RALYL: variants seen among roughly 807,000 people sequenced by gnomAD.
The protein encoded by RALYL is RALY RNA binding protein like.
RALYL carries 29 observed loss-of-function variants against 35.1 expected under a neutral mutation model. The observed-to-expected ratio is 0.83, with a 90% CI of 0.61 to 1.13. The LOEUF is 1.13. Ranked by LOEUF, RALYL falls within the 50% of genes most tolerant of loss-of-function variation. The probability of loss-of-function intolerance (pLI) is 0.00; values close to 1 mark genes in which losing one functional copy is unlikely to be tolerated. For synonymous variants in RALYL, 120 were observed against 127.6 expected (o/e 0.94, Z 0.40); for missense variants, 359 against 360.4 (o/e 1.00, Z 0.03).
intron 1 of RALYL, among the ~76,000 whole-genome samples, chr8:84,382,806 T>G (rs777385376): frequency 7.9e-4 from 120 of 151,812 alleles, no homozygotes; most frequent in Non-Finnish European, 1.1e-3. Flanking sequence ...TCTTCATGCT[T>G]CATGAAGCAA....
intron 2 of RALYL, among the ~76,000 whole-genome samples, chr8:84,707,042 A>G (rs1022969410): frequency 1.3e-5 from 2 of 152,154 alleles, no homozygotes; most frequent in Middle Eastern, 3.2e-3. Context: ...ATCAGTCACA[A>G]TTATCCTATC....
Position 84,367,318 on chromosome 8 carries a change from A to ATTTTTT in RALYL, c.-23-161935_-23-161930dup, listed in dbSNP as rs56387511. On this transcript the variant is annotated intron_variant, in intron 1 of 8. Coordinates refer to ENST00000521268, the MANE Select transcript of RALYL (RefSeq NM_173848.7). Reference sequence around the variant, plus strand: ...GCCATCCTGCCCAACTAATTTTTGTATTTTTTTTTTTTTTTTTTTTTTTTT... The same window carrying ATTTTTT: ...GCCATCCTGCCCAACTAATTTTTGTATTTTTTTTTTTTTTTTTTTTTTTTTTTTTTT... Among the ~76,000 whole-genome samples, 23 of 27,406 alleles carry ATTTTTT rather than the reference A, an allele frequency of 8.4e-4. 7 individuals are homozygous for ATTTTTT. Among genetic ancestry groups the ATTTTTT allele is most frequent in the Non-Finnish European group, 1.3e-3 (13 of 10,134 alleles). The allele number at this position is 27,406 out of a possible 152,430, so 18.0% of individuals were successfully genotyped here.
chr8:84,367,318 A>ATTTGTTTTTGTTTTTTTTTTTTTTG (rs756622990), intron 1 of RALYL, among the ~76,000 whole-genome samples: 1 of 27,400 alleles, frequency 3.6e-5, no homozygotes, highest in Non-Finnish European at 9.9e-5. Context: ...TAATTTTTGT[A>ATTTGTTTTTGTTTTTTTTTTTTTTG]TTTTTTTTTT....
At chr8:84,426,799 A>G (rs1413328718) in intron 1 of RALYL, among the ~76,000 whole-genome samples, 10 of 152,188 alleles carry the variant, frequency 6.6e-5, no homozygotes, top group African/African-American at 1.9e-4. Context: ...CTATAAGTCA[A>G]AAGATAAGGA....
Position 84,608,719 on chromosome 8 carries a change from G to T in RALYL, c.256+79142G>T, listed in dbSNP as rs560536891. On this transcript the variant is annotated intron_variant, in intron 2 of 8. Transcript: ENST00000521268. ...AATGACACAGAGTTTCTGAATTCTA[G>T]CCACTGTAACATCTCATTGCCATGC... Among the ~76,000 whole-genome samples, 34 of 152,198 alleles carry T rather than the reference G, an allele frequency of 2.2e-4. 1 individual carries two copies. In the South Asian group the frequency reaches 7.0e-3, roughly 32 times the overall value.
chr8:84,824,804 A>C (rs1329529774), intron 4 of RALYL, among the ~76,000 whole-genome samples: 1 of 152,188 alleles, frequency 6.6e-6, no homozygotes. Flanking sequence ...ATAGCTGGCT[A>C]ACCATATGCA....
intron 2 of RALYL, among the ~76,000 whole-genome samples, chr8:84,699,532 A>G (rs1343575663): frequency 6.6e-6 from 1 of 152,108 alleles, no homozygotes; most frequent in African/African-American, 2.4e-5. Flanking sequence ...TTGTGTCCTC[A>G]GGTGGAAGAG....
intron 2 of RALYL, among the ~76,000 whole-genome samples, chr8:84,671,443 G>A (rs1833219214): frequency 6.6e-6 from 1 of 152,130 alleles, no homozygotes. Flanking sequence ...CCCCACATTT[G>A]CCTTCCACAC....
chr8:84,713,378 TA>T (rs1190029008), intron 2 of RALYL, among the ~76,000 whole-genome samples: 3 of 151,954 alleles, frequency 2.0e-5, no homozygotes, highest in African/African-American at 7.2e-5. Flanking sequence ...ATAAAATTAA[TA>T]ACTTGATTGA....
intron 1 of RALYL, among the ~76,000 whole-genome samples, chr8:84,422,856 G>T (rs2132442756): frequency 6.7e-6 from 1 of 149,550 alleles, no homozygotes; most frequent in South Asian, 2.1e-4. Flanking sequence ...TAGTTGAGCG[G>T]CTTTGAGTGG....
chr8:84,732,414 T>A (rs1846347081), intron 2 of RALYL, among the ~76,000 whole-genome samples: 1 of 152,102 alleles, frequency 6.6e-6, no homozygotes, highest in South Asian at 2.1e-4. Flanking sequence ...AGAAGGATAG[T>A]CACAATCTAA....
intron 1 of RALYL, among the ~76,000 whole-genome samples, chr8:84,410,201 G>A (rs1178844444): frequency 6.6e-6 from 1 of 151,594 alleles, no homozygotes; most frequent in Non-Finnish European, 1.5e-5. Context: ...TTTCTTTTTT[G>A]TTCACAGTAA....
rs146061344 is a variant in RALYL at position 84,517,858 on chromosome 8, T to C, written c.-23-11441T>C. On this transcript the variant is annotated intron_variant, in intron 1 of 8. Coordinates refer to ENST00000521268, the MANE Select transcript of RALYL (RefSeq NM_173848.7). ...AGTACCTTAGTGCATCTCATTTAAA[T>C]TTCTTAAAAATCATATTCATAGTTT... Among the ~76,000 whole-genome samples the C allele has an allele frequency of 5.4e-3, 828 of 152,238 alleles. 1 individual carries two copies. The highest frequency in any genetic ancestry group is 0.017 in the Middle Eastern group (5 of 294).
intron 2 of RALYL, among the ~76,000 whole-genome samples, chr8:84,543,465 T>A (rs1002806930): frequency 6.6e-6 from 1 of 151,074 alleles, no homozygotes; most frequent in Non-Finnish European, 1.5e-5. Flanking sequence ...TGTAACCAAA[T>A]ACCATCTGTT....
At chr8:84,448,511 T>C (rs1209750830) in intron 1 of RALYL, among the ~76,000 whole-genome samples, 2 of 151,876 alleles carry the variant, frequency 1.3e-5, no homozygotes, top group African/African-American at 2.4e-5. Context: ...TGAAGAGAGG[T>C]GATGAAAAAC....
chr8:84,741,119 G>T (rs919056916), intron 2 of RALYL, among the ~76,000 whole-genome samples: 1 of 151,964 alleles, frequency 6.6e-6, no homozygotes, highest in Non-Finnish European at 1.5e-5. Flanking sequence ...GGTCATTTTA[G>T]AATGATTTGA....
At chr8:84,901,831 G>A (rs1171586319) in intron 8 of RALYL, among the ~76,000 whole-genome samples, 1 of 152,108 alleles carries the variant, frequency 6.6e-6, no homozygotes, top group Non-Finnish European at 1.5e-5. Flanking sequence ...TTGACCAATG[G>A]AGACAAAATA....
chr8:84,879,923 A>G (rs1223400915), intron 7 of RALYL, among the ~76,000 whole-genome samples: 1 of 152,060 alleles, frequency 6.6e-6, no homozygotes, highest in African/African-American at 2.4e-5. Context: ...GACTATTGCA[A>G]TAGGAGATAA....
chr8:84,625,847 G>A (rs1822598837), intron 2 of RALYL, among the ~76,000 whole-genome samples: 1 of 152,164 alleles, frequency 6.6e-6, no homozygotes, highest in African/African-American at 2.4e-5. Flanking sequence ...ACCAGTGGTG[G>A]AGGGGCTCCC....
Sources: allele counts gnomAD v4.1 joint callset (sites outside exome capture counted in the v4.1 genomes callset), GRCh38; gene constraint gnomAD v4.1.1; transcripts MANE v1.5; gene names NCBI Gene and HGNC (gene_info 2026-07-23, HGNC 2026-07-21).